The following INTS2 variants were observed in gnomAD, a reference collection of about 807,000 sequenced individuals.
INTS2 encodes integrator complex subunit 2, also known as KIAA1287.
A neutral mutation model predicts 139.6 loss-of-function variants in INTS2; 57 were observed. That is an observed-to-expected ratio of 0.41 (90% confidence interval 0.33 to 0.51). INTS2 has a LOEUF of 0.51. Ranked by LOEUF, INTS2 falls within the 20% of genes least tolerant of loss-of-function variation. INTS2 has a pLI of 0.28. For missense variants in INTS2, 1,196 were observed against 1,436.7 expected, an observed-to-expected ratio of 0.83 and a Z score of 2.71; for synonymous variants, 473 against 493.4, an observed-to-expected ratio of 0.96 and a Z score of 0.55.
chr17:61,872,443 T>C lies in INTS2; in HGVS notation c.2600A>G (p.Asp867Gly). The change falls in exon 20 of 25, where the codon GAT (aspartate) becomes GGT (glycine). Residue 867 changes from aspartate to glycine, a missense_variant. Asp to Gly is a moderately conservative substitution (Grantham distance 94, BLOSUM62 -1). This residue lies in a region of INTS2 where 1,129 missense variants were observed against 1,341.9 expected (regional missense o/e 0.84). Transcript: ENST00000251334. This position sits in a 1 kb window ranked among gnomAD's most constrained non-coding sequence, Gnocchi z 4.8. ...TCCATTCAACATGTGTAGGGTAATA[T>C]CCATCAGTGGGGGGCATCTAAACAA... The part of the protein sequence containing the change: ...QRVHRCPPLM[D>G]ITLHMLNGYL... 1.3e-6 allele frequency: 2 copies of C among 1,592,950 alleles called. No individual in the cohort carries two copies.
chr17:61,884,500 AAAAC>A (rs1196155723), intron 16 of INTS2, among the ~76,000 whole-genome samples: 4 of 152,146 alleles, frequency 2.6e-5, no homozygotes, highest in Non-Finnish European at 4.4e-5. Context: ...CTCAAAAACA[AAAAC>A]AAACAAACAA....
Position 61,895,317 on chromosome 17 carries a change from G to T in INTS2, c.1561C>A (p.Gln521Lys), listed in dbSNP as rs1050273907. ...TIFTQEIFTEQVVTAHAVRVP... is the reference protein window; with the variant it reads ...TIFTQEIFTEKVVTAHAVRVP... ...TACCTAAGAATAAAAAGAAATACCT[G>T]CTCAGTAAAAATTTCCTGTGTGAAG... The change falls in exon 12 of 25, where the codon CAG becomes AAG. Residue 521 changes from glutamine to lysine, a missense_variant and splice_region_variant. Physicochemically the swap from Gln to Lys is moderately conservative, Grantham distance 53. Coordinates refer to ENST00000251334, the MANE Select transcript of INTS2 (RefSeq NM_001351695.2). 1 of 1,556,932 alleles carries T rather than the reference G, an allele frequency of 6.4e-7. No individual in the cohort carries two copies. Among genetic ancestry groups the T allele is most frequent in the Non-Finnish European group, 8.7e-7 (1 of 1,149,872 alleles).
intron 5 of INTS2, among the ~76,000 whole-genome samples, chr17:61,917,203 C>G (rs2079591708): frequency 6.6e-6 from 1 of 152,140 alleles, no homozygotes; most frequent in Non-Finnish European, 1.5e-5. Flanking sequence ...TAAATTAGTT[C>G]AGCCACTGTG....
chr17:61,913,745 A>G (rs966950296), intron 5 of INTS2, among the ~76,000 whole-genome samples: 2 of 152,208 alleles, frequency 1.3e-5, no homozygotes, highest in Non-Finnish European at 2.9e-5. Flanking sequence ...AAAAATAAGG[A>G]AAATTCTTCA....
chr17:61,919,540 T>A, intron 4 of INTS2, 27 bp from the exon 5 acceptor site: 1 of 1,271,368 alleles, frequency 7.9e-7, no homozygotes, highest in African/African-American at 1.5e-5. Flanking sequence ...TCAGTGTTAG[T>A]CTTTGTTAAC....
At position 61,868,316 on chromosome 17, in the gene INTS2, G is replaced by C. The variant is rs1248460217; in HGVS notation, c.3245-307C>G. Among the ~76,000 whole-genome samples the C allele has an allele frequency of 6.6e-6, 1 of 152,104 alleles. No individual in the cohort carries two copies. Among genetic ancestry groups the C allele is most frequent in the Non-Finnish European group, 1.5e-5 (1 of 67,986 alleles). On this transcript the variant is annotated intron_variant, in intron 23 of 24. Transcript: ENST00000251334. The surrounding 1 kb of genome is among the most constrained non-coding windows in gnomAD (Gnocchi z 4.7). ...TGAGAAAACTCTTAAAAAAAGGTTA[G>C]AGAGGTTAAGAAACTTGTTAAAGAT...
chr17:61,919,151 C>A (rs1258547267), intron 5 of INTS2, among the ~76,000 whole-genome samples: 1 of 152,050 alleles, frequency 6.6e-6, no homozygotes, highest in African/African-American at 2.4e-5. Context: ...TCTCAAACTT[C>A]TGACCTTGTG....
intron 1 of INTS2, 104 bp downstream of exon 1, chr17:61,927,550 G>A: frequency 1.3e-6 from 1 of 749,928 alleles, no homozygotes; most frequent in Non-Finnish European, 1.7e-6. Flanking sequence ...GTCTCGCCCC[G>A]GGCGCAACTA....
intron 5 of INTS2, among the ~76,000 whole-genome samples, chr17:61,912,339 G>A (rs926368383): frequency 1.5e-5 from 2 of 136,202 alleles, no homozygotes; most frequent in African/African-American, 5.7e-5. Flanking sequence ...GCTCACACCT[G>A]TAATCCCAGA....
At position 61,907,445 on chromosome 17, in the gene INTS2, G is replaced by A. The variant is rs763370915; in HGVS notation, c.1144C>T (p.Arg382Cys). 1.3e-5 allele frequency: 21 copies of A among 1,598,342 alleles called. No homozygotes were observed. Among genetic ancestry groups the A allele is most frequent in the Non-Finnish European group, 1.7e-5 (20 of 1,172,572 alleles). The change falls in exon 8 of 25, where the codon CGT (arginine) becomes TGT (cysteine). Residue 382 changes from arginine (R) to cysteine (C), a missense_variant. This residue lies in a region of INTS2 where 1,129 missense variants were observed against 1,341.9 expected (regional missense o/e 0.84). Coordinates refer to ENST00000251334, the MANE Select transcript of INTS2 (RefSeq NM_001351695.2). ...EHVVKASALL[R>C]LYCALMGIAG... ...ATCCCCATCAAAGCACAGTACAGAC[G>A]TAAGAGTGCACTGGCTTTCACAACA...
intron 7 of INTS2, 112 bp downstream of exon 7, chr17:61,911,408 A>G: frequency 1.2e-6 from 1 of 860,650 alleles, no homozygotes; most frequent in East Asian, 2.9e-5. Flanking sequence ...CCCTGAAACT[A>G]GAAAGTGTGA....
chr17:61,869,779 C>G lies in INTS2; in HGVS notation c.2988G>C (p.Met996Ile). The change falls in exon 21 of 25, where the codon ATG (methionine) becomes ATC (isoleucine). Residue 996 changes from methionine to isoleucine, a missense_variant. Physicochemically the swap from Met to Ile is conservative, Grantham distance 10 (BLOSUM62 1). Coordinates refer to ENST00000251334, the MANE Select transcript of INTS2 (RefSeq NM_001351695.2). This position sits in a 1 kb window ranked among gnomAD's most constrained non-coding sequence, Gnocchi z 5.4. ...QCLICCLLHQ[M>I]YIADPNIAKL... ...TAGCAATGTTGGGATCTGCAATGTA[C>G]ATTTGGTGCAAGAGACAACAGATAA... 6.2e-7 allele frequency: 1 copy of G among 1,613,850 alleles called. No homozygotes were observed.
intron 14 of INTS2, among the ~76,000 whole-genome samples, chr17:61,890,983 CAAAAAAA>C (rs753902456): frequency 1.4e-3 from 16 of 11,340 alleles, no homozygotes; most frequent in African/African-American, 5.0e-3. Flanking sequence ...ACTCCAGTCT[CAAAAAAA>C]AAAAAAAAAA....
At chr17:61,919,035 C>T (rs1033403636) in intron 5 of INTS2, among the ~76,000 whole-genome samples, 1 of 149,830 alleles carries the variant, frequency 6.7e-6, no homozygotes, top group Admixed American at 6.7e-5. Context: ...AGCGATTCTT[C>T]TGCCTCAGCC....
intron 16 of INTS2, among the ~76,000 whole-genome samples, 167 bp downstream of exon 16, chr17:61,884,734 G>A (rs2079209810): frequency 6.6e-6 from 1 of 152,082 alleles, no homozygotes; most frequent in Non-Finnish European, 1.5e-5. Flanking sequence ...GGGGCAGGCT[G>A]GTTTGCAATA....
intron 5 of INTS2, among the ~76,000 whole-genome samples, chr17:61,915,348 AT>A (rs2079570142): frequency 7.4e-5 from 11 of 149,202 alleles, no homozygotes; most frequent in African/African-American, 2.5e-5. Context: ...AAAAAAATAA[AT>A]AAATAAATAA....
At chr17:61,891,925 T>G (rs1279160564) in intron 13 of INTS2, among the ~76,000 whole-genome samples, 3 of 152,178 alleles carry the variant, frequency 2.0e-5, no homozygotes, top group Non-Finnish European at 4.4e-5. Flanking sequence ...CCTTTCGGTT[T>G]AATCTATTAG....
In INTS2 at chr17:61,891,702, G is replaced by A; in HGVS notation, c.1699-13C>T. On this transcript the variant is annotated splice_polypyrimidine_tract_variant and intron_variant, in intron 13 of 24. Transcript: ENST00000251334. The stretch of plus-strand genomic sequence containing the variant: ...TATAAATCCAATCCTAAGAAAGAAT[G>A]TTATAGACACTGAATTAATTGTGGC... 6.3e-7 allele frequency: 1 copy of A among 1,576,340 alleles called. No individual in the cohort carries two copies. Among genetic ancestry groups the A allele is most frequent in the Non-Finnish European group, 8.6e-7 (1 of 1,159,726 alleles).
Position 61,927,790 on chromosome 17 carries a change from G to T in INTS2, c.-155C>A. 6.3e-7 allele frequency: 1 copy of T among 1,598,000 alleles called. No homozygotes were observed. The highest frequency in any genetic ancestry group is 1.1e-5 in the South Asian group (1 of 89,244). The stretch of plus-strand genomic sequence containing the variant: ...GAACCCCAAACCCTAGTTGTGCCTC[G>T]AGTCGACTCGGACACCAAGAACTCA... On this transcript the variant is annotated 5_prime_UTR_variant, in exon 1 of 25. Transcript: ENST00000251334.
Sources: gnomAD v4.1 joint callset for allele counts (sites outside exome capture counted in the v4.1 genomes callset) on GRCh38, gnomAD v4.1.1 for gene constraint, gnomAD v4.1.1 regional missense constraint, Gnocchi (gnomAD v3.1) non-coding constraint, MANE v1.5 for transcripts, NCBI Gene and HGNC (gene_info 2026-07-23, HGNC 2026-07-21) for gene names.